ST18: variants seen among roughly 807,000 people sequenced by gnomAD.
ST18 encodes suppression of tumorigenicity 18 protein.
Under a neutral mutation model 110.0 loss-of-function variants are expected in ST18, and 50 were observed. The ratio of observed to expected loss-of-function variants is 0.45; its 90% CI spans 0.36 to 0.58. The LOEUF (loss-of-function observed/expected upper bound fraction) is 0.58, where lower values mean the gene tolerates loss of function less well. Ranked by LOEUF, ST18 falls within the 20% of genes least tolerant of loss-of-function variation. ST18 has a pLI of 0.00. For synonymous variants in ST18, 461 were observed against 452.4 expected, an observed-to-expected ratio of 1.02 and a Z score of -0.24; for missense variants, 1,306 against 1,280.1, an observed-to-expected ratio of 1.02 and a Z score of -0.31.
chr8:52,234,344 A>C (rs980863570), intron 2 of ST18, among the ~76,000 whole-genome samples: 1 of 152,078 alleles, frequency 6.6e-6, no homozygotes, highest in African/African-American at 2.4e-5. Flanking sequence ...GGCTCACTGC[A>C]ACCTCCGCCC....
chr8:52,359,988 C>T (rs1824975584), intron 2 of ST18, among the ~76,000 whole-genome samples: 2 of 152,038 alleles, frequency 1.3e-5, no homozygotes, highest in African/African-American at 4.8e-5. Flanking sequence ...ACATTGTGAA[C>T]CATGAAATCA....
At chr8:52,252,453 GA>G (rs558509967) in intron 2 of ST18, among the ~76,000 whole-genome samples, 34 of 151,668 alleles carry the variant, frequency 2.2e-4, no homozygotes, top group Admixed American at 1.5e-3. Context: ...GAGAAACCAG[GA>G]AACTTCAAAT....
intron 6 of ST18, among the ~76,000 whole-genome samples, chr8:52,214,814 C>T (rs551867261): frequency 6.6e-6 from 1 of 152,140 alleles, no homozygotes; most frequent in South Asian, 2.1e-4. Flanking sequence ...AGAATAAATA[C>T]CAGTTATAAT....
intron 2 of ST18, among the ~76,000 whole-genome samples, chr8:52,321,642 G>T (rs1803960157): frequency 6.6e-6 from 1 of 152,132 alleles, no homozygotes; most frequent in Non-Finnish European, 1.5e-5. Context: ...CATATTCCTA[G>T]TATCACAGAG....
intron 2 of ST18, among the ~76,000 whole-genome samples, chr8:52,265,035 C>T (rs550755501): frequency 6.6e-6 from 1 of 152,314 alleles, no homozygotes; most frequent in East Asian, 1.9e-4. Flanking sequence ...AAGATGATGG[C>T]TGTGCGTGAA....
chr8:52,158,991 G>T lies in ST18; in HGVS notation c.1713C>A (p.His571Gln). ...YSYGQCSEDT[H>Q]IAAAAAILNL... ...TCAGGATGGCAGCAGCTGCTGCTAT[G>T]TGGGTGTCTTCACTACATTGACCGT... Residue 571 changes from histidine (H) to glutamine (Q), a missense_variant, in exon 15 of 26, where the codon CAC becomes CAA. By Grantham distance (24) the His-to-Gln change is conservative. Transcript: ENST00000689386. 1 of 1,614,144 alleles carries T rather than the reference G, an allele frequency of 6.2e-7. No individual in the cohort carries two copies. The highest frequency in any genetic ancestry group is 8.5e-7 in the Non-Finnish European group (1 of 1,179,984).
intron 23 of ST18, among the ~76,000 whole-genome samples, chr8:52,120,448 G>T (rs973295550): frequency 6.6e-6 from 1 of 152,192 alleles, no homozygotes; most frequent in Non-Finnish European, 1.5e-5. Context: ...AAGCACAAAG[G>T]GTTCTGGGAG....
intron 8 of ST18, among the ~76,000 whole-genome samples, chr8:52,197,721 A>G (rs2076608743): frequency 6.6e-6 from 1 of 152,132 alleles, no homozygotes; most frequent in South Asian, 2.1e-4. Context: ...GAATGAGGGC[A>G]GGGAGGCCAA....
At chr8:52,200,432 C>G (rs983492543) in intron 8 of ST18, among the ~76,000 whole-genome samples, 2 of 152,206 alleles carry the variant, frequency 1.3e-5, no homozygotes, top group South Asian at 2.1e-4. Context: ...ACAGCAGGAA[C>G]AGCATGCCAA....
chr8:52,210,962 C>G (rs76501302), intron 8 of ST18, among the ~76,000 whole-genome samples: 8,285 of 152,200 alleles, frequency 0.054, 395 homozygotes, highest in African/African-American at 0.11. Flanking sequence ...GTGTATTAGA[C>G]ACTGTTACAC....
chr8:52,223,733 G>T (rs2087981227), intron 3 of ST18, among the ~76,000 whole-genome samples: 1 of 151,372 alleles, frequency 6.6e-6, no homozygotes, highest in Admixed American at 6.6e-5. Context: ...AAAATTTATT[G>T]AAAGGGCAAG....
intron 25 of ST18, among the ~76,000 whole-genome samples, chr8:52,114,851 G>A (rs1275476553): frequency 1.3e-5 from 2 of 152,190 alleles, no homozygotes; most frequent in African/African-American, 2.4e-5. Context: ...CATTTTGTGT[G>A]ATCAGCACTA....
At chr8:52,302,605 C>T (rs990372370) in intron 2 of ST18, among the ~76,000 whole-genome samples, 1 of 152,096 alleles carries the variant, frequency 6.6e-6, no homozygotes, top group Admixed American at 6.5e-5. Context: ...AAGGATGAGG[C>T]AAGGGCAGAA....
At chr8:52,275,727 C>T (rs7463107) in intron 2 of ST18, among the ~76,000 whole-genome samples, 101,779 of 151,874 alleles carry the variant, frequency 0.67, 34,601 homozygotes, top group South Asian at 0.81. Flanking sequence ...ATAAAACCTG[C>T]GAGCCCTGTT....
At chr8:52,284,476 T>A (rs1052571678) in intron 2 of ST18, among the ~76,000 whole-genome samples, 2 of 152,100 alleles carry the variant, frequency 1.3e-5, no homozygotes, top group African/African-American at 4.8e-5. Context: ...CAAGTGACCA[T>A]CCCTATGAGA....
chr8:52,403,601 C>T (rs934616567), intron 2 of ST18: 4 of 152,240 alleles, frequency 2.6e-5, no homozygotes, highest in African/African-American at 9.7e-5. Flanking sequence ...CATGATTCCT[C>T]CTCTTCTGTA....
intron 2 of ST18, among the ~76,000 whole-genome samples, chr8:52,397,101 C>T (rs528748696): frequency 6.6e-5 from 10 of 152,176 alleles, no homozygotes; most frequent in Non-Finnish European, 1.3e-4. Flanking sequence ...ATTTCACCAA[C>T]AGTGTACTGT....
chr8:52,371,931 G>T (rs981577616), intron 2 of ST18, among the ~76,000 whole-genome samples: 11 of 152,138 alleles, frequency 7.2e-5, no homozygotes, highest in Non-Finnish European at 4.4e-5. Flanking sequence ...ACTGCTTTAT[G>T]TATTTACTAT....
At chr8:52,189,086 C>T (rs1173523703) in intron 8 of ST18, among the ~76,000 whole-genome samples, 1 of 152,198 alleles carries the variant, frequency 6.6e-6, no homozygotes, top group African/African-American at 2.4e-5. Context: ...CTTCTCCCTG[C>T]ATCACACTGG....
Sources: allele counts gnomAD v4.1 joint callset (sites outside exome capture counted in the v4.1 genomes callset), GRCh38; gene constraint gnomAD v4.1.1; transcripts MANE v1.5; gene names NCBI Gene and HGNC (gene_info 2026-07-23, HGNC 2026-07-21).